HPGDS: variants seen among roughly 807,000 people sequenced by gnomAD.
HPGDS encodes GST class-sigma.
HPGDS carries 26 observed loss-of-function variants against 23.1 expected under a neutral mutation model. The observed-to-expected ratio is 1.13, with a 90% CI of 0.83 to 1.56. The LOEUF (loss-of-function observed/expected upper bound fraction) is 1.56, where lower values mean the gene tolerates loss of function less well. Ranked by LOEUF, HPGDS falls within the 40% of genes most tolerant of loss-of-function variation. The pLI is 0.00. For missense variants in HPGDS, 268 were observed against 236.4 expected, an observed-to-expected ratio of 1.13 and a Z score of -0.88; for synonymous variants, 95 against 77.9, an observed-to-expected ratio of 1.22 and a Z score of -1.16.
intron 3 of HPGDS, among the ~76,000 whole-genome samples, chr4:94,316,432 T>G (rs949781211): frequency 9.8e-5 from 15 of 152,344 alleles, no homozygotes; most frequent in Non-Finnish European, 1.2e-4. Context: ...CTGGACCATT[T>G]CAATGATCTC....
intron 5 of HPGDS, 38 bp from the exon 6 acceptor site, chr4:94,299,682 A>G: frequency 6.3e-7 from 1 of 1,583,160 alleles, no homozygotes; most frequent in South Asian, 1.1e-5. Context: ...TTGAACATAG[A>G]AAGTGTAGCT....
At chr4:94,306,124 T>C (rs568293716) in intron 4 of HPGDS, among the ~76,000 whole-genome samples, 29 of 152,216 alleles carry the variant, frequency 1.9e-4, no homozygotes, top group Middle Eastern at 3.4e-3. Flanking sequence ...TAAAAGGCAC[T>C]GTGATGGCGG....
At chr4:94,319,595 T>C (rs1161749641) in intron 2 of HPGDS, among the ~76,000 whole-genome samples, 1 of 152,140 alleles carries the variant, frequency 6.6e-6, no homozygotes, top group Non-Finnish European at 1.5e-5. Context: ...CTCTTTCTCA[T>C]TTATGTATCT....
chr4:94,306,132 C>T (rs967886827), intron 4 of HPGDS, among the ~76,000 whole-genome samples: 2 of 151,936 alleles, frequency 1.3e-5, no homozygotes, highest in African/African-American at 2.4e-5. Context: ...ACTGTGATGG[C>T]GGTGGGGGAT....
intron 4 of HPGDS, among the ~76,000 whole-genome samples, chr4:94,304,393 A>G (rs956322670): frequency 3.3e-5 from 5 of 152,180 alleles, no homozygotes; most frequent in Admixed American, 2.0e-4. Flanking sequence ...ACCAATATCC[A>G]AAGGCATCTT....
intron 1 of HPGDS, among the ~76,000 whole-genome samples, chr4:94,340,845 C>A (rs147113176): frequency 1.0e-5 from 1 of 97,152 alleles, no homozygotes; most frequent in East Asian, 2.8e-4. Flanking sequence ...TTTTTTTTTT[C>A]TTTCTTTTTT....
chr4:94,320,419 A>C (rs1257105410), intron 2 of HPGDS, among the ~76,000 whole-genome samples: 2 of 152,052 alleles, frequency 1.3e-5, no homozygotes, highest in African/African-American at 4.8e-5. Context: ...CCTCTCCAGC[A>C]CCTGTTGTTT....
Position 94,317,954 on chromosome 4 carries a change from C to T in HPGDS, c.145G>A (p.Gly49Arg), listed in dbSNP as rs1560589426. The change falls in exon 3 of 6, where the codon GGA (glycine) becomes AGA (arginine). Residue 49 changes from glycine (G) to arginine (R), a missense_variant. Physicochemically the swap from Gly to Arg is moderately radical, Grantham distance 125 (BLOSUM62 -2). Transcript: ENST00000295256. The part of the protein sequence containing the change: ...WPEIKSTLPF[G>R]KIPILEVDGL... Reference sequence around the variant, plus strand: ...TCAACTTCCAAAATGGGGATTTTTCCAAATGGGAGAGCTTAAAATGAAATG... The same window carrying T: ...TCAACTTCCAAAATGGGGATTTTTCTAAATGGGAGAGCTTAAAATGAAATG... 2 of 1,602,794 alleles carry T rather than the reference C, an allele frequency of 1.2e-6. No individual in the cohort carries two copies. Among genetic ancestry groups the T allele is most frequent in the African/African-American group, 2.7e-5 (2 of 74,644 alleles).
At chr4:94,304,434 G>A (rs1211566448) in intron 4 of HPGDS, among the ~76,000 whole-genome samples, 1 of 152,066 alleles carries the variant, frequency 6.6e-6, no homozygotes, top group Non-Finnish European at 1.5e-5. Context: ...ATTGGAAATG[G>A]AATTTTTAGT....
At chr4:94,331,987 T>C (rs1756743843) in intron 2 of HPGDS, among the ~76,000 whole-genome samples, 1 of 152,132 alleles carries the variant, frequency 6.6e-6, no homozygotes. Flanking sequence ...TGGTTCTTTC[T>C]GAATAATGCT....
chr4:94,325,660 G>A (rs1348620610), intron 2 of HPGDS, among the ~76,000 whole-genome samples: 1 of 152,194 alleles, frequency 6.6e-6, no homozygotes, highest in Non-Finnish European at 1.5e-5. Context: ...TTGGGTGGCA[G>A]TGTCCCAATT....
intron 1 of HPGDS, among the ~76,000 whole-genome samples, chr4:94,340,309 C>CTTT (rs1560597992): frequency 1.4e-4 from 4 of 28,764 alleles, no homozygotes; most frequent in South Asian, 1.8e-3. Context: ...TTCTTTCTTT[C>CTTT]TCTTTTTTTT....
rs563058301 is a variant in HPGDS at position 94,314,140 on chromosome 4, A to C, written c.226+3733T>G. The stretch of plus-strand genomic sequence containing the variant: ...ATCTGAAGCCTTCTTCTCTCAACTC[A>C]TCAAAGTCATTCTCTGTCCAGCTTT... On this transcript the variant is annotated intron_variant, in intron 3 of 5. Coordinates refer to ENST00000295256, the MANE Select transcript of HPGDS (RefSeq NM_014485.3). Among the ~76,000 whole-genome samples the C allele has an allele frequency of 3.0e-4, 45 of 152,236 alleles. No homozygotes were observed. The South Asian group carries it at 8.5e-3, about 29-fold the overall frequency.
Position 94,340,833 on chromosome 4 carries a change from C to CTT in HPGDS, c.-10+1960_-10+1961dup, listed in dbSNP as rs769902962. ...ACCACCACGCCCGGCAAATTTTTTTCTTTTTTTTTTTCTTTCTTTTTTTTT... is the reference window on the plus strand; with the variant it reads ...ACCACCACGCCCGGCAAATTTTTTTCTTTTTTTTTTTTTCTTTCTTTTTTTTT... On this transcript the variant is annotated intron_variant, in intron 1 of 5. Coordinates refer to ENST00000295256, the MANE Select transcript of HPGDS (RefSeq NM_014485.3). Among the ~76,000 whole-genome samples the CTT allele has an allele frequency of 1.4e-4, 16 of 114,464 alleles. 1 individual carries two copies. Among genetic ancestry groups the CTT allele is most frequent in the African/African-American group, 3.1e-4 (9 of 28,594 alleles). 75.1% of individuals were successfully genotyped at this position (114,464 alleles called of 152,430 possible). A position where few individuals can be genotyped will look rare whatever the true frequency, so the allele number is the denominator to read the frequency against.
At chr4:94,340,314 T>TCTTTCTTTCTTTC (rs1560598045) in intron 1 of HPGDS, among the ~76,000 whole-genome samples, 3 of 11,076 alleles carry the variant, frequency 2.7e-4, no homozygotes, top group Non-Finnish European at 3.5e-4. Context: ...TCTTTCTCTT[T>TCTTTCTTTCTTTC]TTTTTTTTTT....
intron 1 of HPGDS, among the ~76,000 whole-genome samples, chr4:94,340,305 CTTTCTCTTTTT>C (rs1721120666): frequency 3.8e-5 from 1 of 26,200 alleles, no homozygotes; most frequent in African/African-American, 1.5e-4. Context: ...TTCTTTCTTT[CTTTCTCTTTTT>C]TTTTTTTTTT....
rs566587163 is a variant in HPGDS at position 94,339,598 on chromosome 4, T to A, written c.-10+3197A>T. Among the ~76,000 whole-genome samples, 21 of 152,346 alleles carry A rather than the reference T, an allele frequency of 1.4e-4. No homozygotes were observed. The South Asian group carries it at 3.1e-3, about 23-fold the overall frequency. On this transcript the variant is annotated intron_variant, in intron 1 of 5. Coordinates refer to ENST00000295256, the MANE Select transcript of HPGDS (RefSeq NM_014485.3). ...ACTGCAGAAGATTTAACTTTTAATA[T>A]TAATATATGCATTAGGAAATAAGCT...
chr4:94,310,651 G>A (rs1460795885), intron 3 of HPGDS, among the ~76,000 whole-genome samples: 2 of 152,080 alleles, frequency 1.3e-5, no homozygotes, highest in Non-Finnish European at 2.9e-5. Flanking sequence ...CTTTAAAGTA[G>A]TTTTTTTCCA....
intron 3 of HPGDS, among the ~76,000 whole-genome samples, chr4:94,309,876 G>A (rs1360231109): frequency 1.3e-5 from 2 of 152,110 alleles, no homozygotes; most frequent in Non-Finnish European, 2.9e-5. Flanking sequence ...TTCTCTGATG[G>A]CCAGTGATGA....
Sources: gnomAD v4.1 joint callset for allele counts (sites outside exome capture counted in the v4.1 genomes callset) on GRCh38, gnomAD v4.1.1 for gene constraint, MANE v1.5 for transcripts, NCBI Gene and HGNC (gene_info 2026-07-23, HGNC 2026-07-21) for gene names.